CCDC14: variants seen among roughly 807,000 people sequenced by gnomAD.
The protein encoded by CCDC14 is coiled-coil domain-containing protein 14.
In CCDC14, 71 loss-of-function variants were observed where a neutral mutation model predicts 81.4. That is an observed-to-expected ratio of 0.87 (90% CI 0.72 to 1.06). CCDC14 has a LOEUF of 1.06. Ranked by LOEUF, CCDC14 falls within the 50% of genes least tolerant of loss-of-function variation. CCDC14 has a pLI of 0.00. For synonymous variants in CCDC14, 332 were observed against 364.8 expected (o/e 0.91, Z 1.03); for missense variants, 1,046 against 1,047.3 (o/e 1.00, Z 0.02).
chr3:123,895,341 G>A (rs1448947948), downstream of CCDC14, among the ~76,000 whole-genome samples: 1 of 152,082 alleles, frequency 6.6e-6, no homozygotes. Flanking sequence ...AGAAGGAAAG[G>A]GAAGGAAAAG....
chr3:123,947,172 A>G lies in CCDC14; in HGVS notation c.832T>C (p.Leu278=). 1 of 1,613,944 alleles carries G rather than the reference A, an allele frequency of 6.2e-7. No homozygotes were observed. Among genetic ancestry groups the G allele is most frequent in the Non-Finnish European group, 8.5e-7 (1 of 1,179,872 alleles). Reference sequence around the variant, plus strand: ...CCATTAACAAGGCCCAGTTGCTGCAATGTTGGAATAGCTGATATGTCAGTT... The same window carrying G: ...CCATTAACAAGGCCCAGTTGCTGCAGTGTTGGAATAGCTGATATGTCAGTT... ...PKTDISAIPT[L]QQLGLVNGIL... The change falls in exon 8 of 13, where the codon TTG becomes CTG. Residue 278 remains leucine, a synonymous_variant. Coordinates refer to ENST00000409697, the MANE Select transcript of CCDC14 (RefSeq NM_001366335.1).
chr3:123,943,958 A>G (rs2036493925), intron 9 of CCDC14, among the ~76,000 whole-genome samples: 1 of 152,116 alleles, frequency 6.6e-6, no homozygotes, highest in South Asian at 2.1e-4. Context: ...GAGCCCAAAG[A>G]AGGAGGTCAA....
intron 5 of CCDC14, chr3:123,953,295 G>GA (rs1202875984): frequency 6.6e-6 from 1 of 152,240 alleles, no homozygotes; most frequent in Non-Finnish European, 1.5e-5. Flanking sequence ...TGAAGGATGA[G>GA]GTAATGTTTC....
At chr3:123,913,198 C>A (rs1393379388), downstream of CCDC14, among the ~76,000 whole-genome samples, 1 of 152,150 alleles carries the variant, frequency 6.6e-6, no homozygotes, top group African/African-American at 2.4e-5. Flanking sequence ...TTATCAAATA[C>A]TAAGCTTCTG....
intron 12 of CCDC14, among the ~76,000 whole-genome samples, chr3:123,926,597 T>TTATTTA (rs2035377274): frequency 6.7e-6 from 1 of 148,830 alleles, no homozygotes; most frequent in Non-Finnish European, 1.5e-5. Context: ...TTATTTAAAT[T>TTATTTA]AATATTTAAA....
intron 12 of CCDC14, among the ~76,000 whole-genome samples, chr3:123,928,534 A>G (rs947777538): frequency 3.3e-5 from 5 of 151,976 alleles, no homozygotes. Flanking sequence ...AATAAAAAAG[A>G]TGTATCCCTA....
At chr3:123,917,387 C>T (rs1210577053) in intron 12 of CCDC14, among the ~76,000 whole-genome samples, 11 of 151,096 alleles carry the variant, frequency 7.3e-5, no homozygotes, top group African/African-American at 1.9e-4. Context: ...CCCAGCTGCT[C>T]GGCAGGCTGA....
At chr3:123,885,974 T>G in the CCDC14 span, among the ~76,000 whole-genome samples, 1 of 152,212 alleles carries the variant, frequency 6.6e-6, no homozygotes, top group South Asian at 2.1e-4. Context: ...GTTAAGGAAT[T>G]GATTCTCTGT....
chr3:123,892,648 C>T (rs972084111), downstream of CCDC14, among the ~76,000 whole-genome samples: 4 of 152,094 alleles, frequency 2.6e-5, no homozygotes, highest in Non-Finnish European at 5.9e-5. Flanking sequence ...GGAAATCCAC[C>T]CCCATGATCC....
chr3:123,901,907 A>G (rs2034186686), intron 5 of CCDC14, among the ~76,000 whole-genome samples: 1 of 152,216 alleles, frequency 6.6e-6, no homozygotes, highest in Non-Finnish European at 1.5e-5. Context: ...CAAACATATG[A>G]ATATGATTCA....
At chr3:123,948,820 T>C (rs1332240801) in intron 6 of CCDC14, 35 bp from the exon 7 acceptor site, 1 of 1,578,510 alleles carries the variant, frequency 6.3e-7, no homozygotes, top group Non-Finnish European at 8.6e-7. Context: ...TAATCACATA[T>C]CCTACTTTTT....
intron 9 of CCDC14, among the ~76,000 whole-genome samples, chr3:123,939,432 T>A (rs1348488437): frequency 6.8e-6 from 1 of 146,308 alleles, no homozygotes; most frequent in Admixed American, 7.1e-5. Context: ...CCTATTCATC[T>A]GCTGACACAG....
chr3:123,934,463 C>A (rs1478370993), intron 9 of CCDC14, among the ~76,000 whole-genome samples: 10 of 151,920 alleles, frequency 6.6e-5, no homozygotes, highest in Admixed American at 6.6e-4. Flanking sequence ...TCATTACTAT[C>A]AACTAGAATA....
chr3:123,886,151 T>C, the CCDC14 span, among the ~76,000 whole-genome samples: 79 of 150,286 alleles, frequency 5.3e-4, no homozygotes, highest in African/African-American at 1.4e-3. Context: ...CTTTTTTTTT[T>C]TCTCTCTCTC....
At chr3:123,957,798 T>A (rs1346000647) in intron 1 of CCDC14, 2 of 152,048 alleles carry the variant, frequency 1.3e-5, no homozygotes, top group Non-Finnish European at 1.5e-5. Flanking sequence ...ATAAATATAA[T>A]CTTTATTCAA....
chr3:123,909,692 A>G (rs1301373514), downstream of CCDC14, among the ~76,000 whole-genome samples: 1 of 152,210 alleles, frequency 6.6e-6, no homozygotes, highest in African/African-American at 2.4e-5. Context: ...GTAGTTTGCA[A>G]AACATTTTCA....
downstream of CCDC14, among the ~76,000 whole-genome samples, chr3:123,893,287 C>T (rs544490654): frequency 2.2e-4 from 33 of 152,252 alleles, no homozygotes; most frequent in Admixed American, 2.0e-3. Context: ...CTGTCTCTAT[C>T]ATTTTGCCTA....
At position 123,955,843 on chromosome 3, in the gene CCDC14, A is replaced by G; in HGVS notation, c.352T>C (p.Ser118Pro). 2.0e-6 allele frequency: 3 copies of G among 1,506,334 alleles called. No homozygotes were observed. Among genetic ancestry groups the G allele is most frequent in the Non-Finnish European group, 2.7e-6 (3 of 1,127,506 alleles). 93.3% of individuals were successfully genotyped at this position (1,506,334 alleles called of 1,614,324 possible). Residue 118 changes from serine (S) to proline (P), a missense_variant and splice_region_variant, in exon 5 of 13, where the codon TCA becomes CCA. Physicochemically the swap from Ser to Pro is moderately conservative, Grantham distance 74 (BLOSUM62 -1). Transcript: ENST00000409697. Reference protein sequence around the residue: ...TIPLVVQKETSSSDNKKQIPN... With the variant: ...TIPLVVQKETPSSDNKKQIPN... ...AATAACTAAGAGAAAAAAGGCTTAC[A>G]TGTTTCTTTCTGGACTACCAAAGGA... is the stretch of plus-strand genomic sequence containing the variant.
At chr3:123,950,399 G>C (rs754284589) in intron 5 of CCDC14, among the ~76,000 whole-genome samples, 1 of 152,166 alleles carries the variant, frequency 6.6e-6, no homozygotes, top group African/African-American at 2.4e-5. Context: ...GCCATGAATA[G>C]CAGAAATGGA....
Sources: gnomAD v4.1 joint callset for allele counts (sites outside exome capture counted in the v4.1 genomes callset) on GRCh38, gnomAD v4.1.1 for gene constraint, MANE v1.5 for transcripts, NCBI Gene and HGNC (gene_info 2026-07-23, HGNC 2026-07-21) for gene names.